CWH43: variants seen among roughly 807,000 people sequenced by gnomAD.
The protein encoded by CWH43 is cell wall biogenesis 43 C-terminal homolog.
CWH43 carries 91 observed loss-of-function variants against 85.7 expected under a neutral mutation model. The observed-to-expected ratio is 1.06, with a 90% CI of 0.90 to 1.26. CWH43 has a LOEUF of 1.26. Ranked by LOEUF, CWH43 falls within the 50% of genes most tolerant of loss-of-function variation. The probability of loss-of-function intolerance (pLI) is 0.00; values close to 1 mark genes in which losing one functional copy is unlikely to be tolerated. For missense variants in CWH43, 869 were observed against 839.2 expected, an observed-to-expected ratio of 1.04 and a Z score of -0.44; for synonymous variants, 323 against 293.6, an observed-to-expected ratio of 1.10 and a Z score of -1.02.
chr4:49,059,757 G>T (rs189320161), intron 15 of CWH43, among the ~76,000 whole-genome samples: 69 of 152,088 alleles, frequency 4.5e-4, no homozygotes, highest in Non-Finnish European at 8.8e-4. Context: ...GCCTGGTGCT[G>T]GGGTCCATTG....
intron 13 of CWH43, among the ~76,000 whole-genome samples, chr4:49,039,510 C>G (rs1396144811): frequency 6.8e-6 from 1 of 147,490 alleles, no homozygotes; most frequent in Admixed American, 6.8e-5. Flanking sequence ...TAGTTATGCC[C>G]TATGCAGATG....
intron 7 of CWH43, among the ~76,000 whole-genome samples, chr4:49,004,224 G>T (rs1783082950): frequency 6.6e-6 from 1 of 152,124 alleles, no homozygotes; most frequent in African/African-American, 2.4e-5. Flanking sequence ...TTACTACAAA[G>T]GTCTTTTAAA....
intron 8 of CWH43, among the ~76,000 whole-genome samples, chr4:49,007,583 G>A (rs1276709922): frequency 6.6e-6 from 1 of 152,128 alleles, no homozygotes; most frequent in African/African-American, 2.4e-5. Flanking sequence ...CCATCAACTC[G>A]TCATTTACAT....
intron 12 of CWH43, among the ~76,000 whole-genome samples, chr4:49,036,709 C>T (rs1444671751): frequency 2.6e-5 from 4 of 152,210 alleles, no homozygotes; most frequent in Non-Finnish European, 5.9e-5. Flanking sequence ...TTCCCACAGT[C>T]CCTTGCCTTC....
Position 48,986,414 on chromosome 4 carries a change from G to A in CWH43, c.-16G>A. 1 of 1,542,074 alleles carries A rather than the reference G, an allele frequency of 6.5e-7. No homozygotes were observed. Among genetic ancestry groups the A allele is most frequent in the Non-Finnish European group, 8.8e-7 (1 of 1,139,172 alleles). ...CCGCACGGCTTTCCTGGAAAGCGCT[G>A]CCCCTCGCCGCGGCGATGCCCTCGC... On this transcript the variant is annotated 5_prime_UTR_variant, in exon 1 of 16. Transcript: ENST00000226432.
intron 15 of CWH43, among the ~76,000 whole-genome samples, chr4:49,059,120 A>G (rs747381650): frequency 2.0e-5 from 3 of 152,140 alleles, no homozygotes; most frequent in African/African-American, 7.2e-5. Context: ...ATGATGACCT[A>G]TAATTTCTGT....
rs1783187299 is a variant in CWH43, at chr4:49,007,211, G to C, written c.1071G>C (p.Met357Ile). ...ERSDVLLGTM[M>I]LIIGLNMLFG... ...TTTCTCTTATAACAGGGACAATGATGTTAATTATCGGGCTGAATATGCTAT... is the reference window on the plus strand; with the variant it reads ...TTTCTCTTATAACAGGGACAATGATCTTAATTATCGGGCTGAATATGCTAT... The change falls in exon 8 of 16, where the codon ATG becomes ATC. Residue 357 changes from methionine to isoleucine, a missense_variant. This residue lies in a region of CWH43 where 577 missense variants were observed against 513.1 expected (regional missense o/e 1.12). Coordinates refer to ENST00000226432, the MANE Select transcript of CWH43 (RefSeq NM_025087.3). 1.2e-6 allele frequency: 2 copies of C among 1,607,854 alleles called. No individual in the cohort carries two copies. The highest frequency in any genetic ancestry group is 1.7e-6 in the Non-Finnish European group (2 of 1,177,874).
chr4:49,047,366 G>A (rs1784654913), intron 14 of CWH43, among the ~76,000 whole-genome samples: 1 of 152,184 alleles, frequency 6.6e-6, no homozygotes, highest in Admixed American at 6.6e-5. Flanking sequence ...CTATGCTGGT[G>A]GAGGGAGGAT....
intron 8 of CWH43, among the ~76,000 whole-genome samples, chr4:49,014,113 C>G (rs905720626): frequency 1.3e-5 from 2 of 152,112 alleles, no homozygotes; most frequent in Admixed American, 1.3e-4. Flanking sequence ...TATCACAAAA[C>G]AGACCATTAT....
At chr4:49,016,925 C>A in intron 8 of CWH43, 1 of 785,064 alleles carries the variant, frequency 1.3e-6, no homozygotes, top group South Asian at 1.3e-5. Flanking sequence ...CAGGGCTGAT[C>A]TCCCCAGTAA....
chr4:49,053,647 A>G (rs942617461), intron 15 of CWH43, among the ~76,000 whole-genome samples: 21 of 152,108 alleles, frequency 1.4e-4, no homozygotes, highest in African/African-American at 5.1e-4. Flanking sequence ...CTTTCTTGCT[A>G]TTAAGTTTTT....
intron 9 of CWH43, among the ~76,000 whole-genome samples, chr4:49,019,450 A>C (rs1488092121): frequency 1.3e-5 from 2 of 152,190 alleles, no homozygotes; most frequent in Non-Finnish European, 2.9e-5. Context: ...CTCGGTGAAG[A>C]GTAGTAGAAG....
intron 8 of CWH43, among the ~76,000 whole-genome samples, chr4:49,014,048 GA>G (rs1783452212): frequency 6.6e-6 from 1 of 152,078 alleles, no homozygotes; most frequent in Admixed American, 6.6e-5. Context: ...ATAGTGTAAA[GA>G]TATAAAAAAC....
Position 49,028,759 on chromosome 4 carries a change from A to G in CWH43, c.1372+25A>G, listed in dbSNP as rs745449354. On this transcript the variant is annotated intron_variant, in intron 10 of 15. Coordinates refer to ENST00000226432, the MANE Select transcript of CWH43 (RefSeq NM_025087.3). ...GGTAAGTCTTCCTGGAATTAGTTCCAGGTTTTGAGAAACTATTATTGTTAC... is the reference window on the plus strand; with the variant it reads ...GGTAAGTCTTCCTGGAATTAGTTCCGGGTTTTGAGAAACTATTATTGTTAC... 4.9e-6 allele frequency: 7 copies of G among 1,431,744 alleles called. No individual in the cohort carries two copies. The African/African-American group carries it at 5.6e-5, about 12-fold the overall frequency. 88.7% of individuals were successfully genotyped at this position (1,431,744 alleles called of 1,614,324 possible). A position where few individuals can be genotyped will look rare whatever the true frequency, so the allele number is the denominator to read the frequency against.
At chr4:49,061,598 A>G (rs1577722715) in intron 15 of CWH43, among the ~76,000 whole-genome samples, 1 of 152,218 alleles carries the variant, frequency 6.6e-6, no homozygotes, top group Admixed American at 6.5e-5. Flanking sequence ...ATGCTAGCCA[A>G]TAATTCTTAA....
chr4:49,060,450 G>A (rs1785115670), intron 15 of CWH43, among the ~76,000 whole-genome samples: 1 of 152,136 alleles, frequency 6.6e-6, no homozygotes, highest in African/African-American at 2.4e-5. Flanking sequence ...GGCTGGCCTG[G>A]TGTTTAGGTG....
In CWH43 at chr4:49,014,477, AG is replaced by A. The variant is rs1783473683; in HGVS notation, c.1187-2771del. On this transcript the variant is annotated intron_variant, in intron 8 of 15. Coordinates refer to ENST00000226432, the MANE Select transcript of CWH43 (RefSeq NM_025087.3). ...CTGACTCAAAAAAAAAAAAAAAAAG[AG>A]AGAAGAAAAGATTCTATTTAAACTT... Among the ~76,000 whole-genome samples the A allele has an allele frequency of 2.0e-5, 3 of 146,454 alleles. No individual in the cohort carries two copies. In the South Asian group the frequency reaches 6.7e-4, roughly 33 times the overall value.
At chr4:49,017,820 G>A (rs1327886362) in intron 9 of CWH43, among the ~76,000 whole-genome samples, 1 of 151,826 alleles carries the variant, frequency 6.6e-6, no homozygotes, top group Non-Finnish European at 1.5e-5. Flanking sequence ...AAGAGAGAGA[G>A]GGAGTAGGTG....
intron 5 of CWH43, among the ~76,000 whole-genome samples, chr4:48,996,984 G>A (rs112394739): frequency 2.0e-5 from 3 of 152,186 alleles, no homozygotes; most frequent in Admixed American, 6.5e-5. Flanking sequence ...CATCAAATAG[G>A]TTGAGGAAAT....
Sources: allele counts gnomAD v4.1 joint callset (sites outside exome capture counted in the v4.1 genomes callset), GRCh38; gene constraint gnomAD v4.1.1; regional missense constraint gnomAD v4.1.1; transcripts MANE v1.5; gene names NCBI Gene and HGNC (gene_info 2026-07-23, HGNC 2026-07-21).